Variants in ANKRD20A1 observed in about 807,000 individuals in gnomAD.
ANKRD20A1 encodes ankyrin repeat domain-containing protein 20A1.
ANKRD20A1 carries 2 observed loss-of-function variants against 50.9 expected under a neutral mutation model. The observed-to-expected ratio is 0.04, with a 90% CI of 0.02 to 0.12. ANKRD20A1 has a LOEUF of 0.12. Ranked by LOEUF, ANKRD20A1 falls within the 10% of genes least tolerant of loss-of-function variation. The pLI is 1.00. For synonymous variants in ANKRD20A1, 10 were observed against 186.2 expected, an observed-to-expected ratio of 0.05 and a Z score of 7.70; for missense variants, 31 against 548.1, an observed-to-expected ratio of 0.06 and a Z score of 9.42.
At chr9:67,866,224 C>G (rs1230486528) in intron 3 of ANKRD20A1, among the ~76,000 whole-genome samples, 1 of 145,204 alleles carries the variant, frequency 6.9e-6, no homozygotes, top group Admixed American at 7.1e-5. Context: ...TTTTAAGTAG[C>G]CATTTAAGTG....
At chr9:67,881,602 A>T (rs1171680232) in intron 8 of ANKRD20A1, among the ~76,000 whole-genome samples, 1 of 150,958 alleles carries the variant, frequency 6.6e-6, no homozygotes, top group Non-Finnish European at 1.5e-5. Context: ...CCCTGTCTCT[A>T]AAAAAAACCA....
At chr9:67,881,547 A>G (rs1827796173) in intron 8 of ANKRD20A1, among the ~76,000 whole-genome samples, 1 of 152,136 alleles carries the variant, frequency 6.6e-6, no homozygotes, top group South Asian at 2.1e-4. Context: ...TCGGTAGATC[A>G]CCTGAGGTCA....
intron 8 of ANKRD20A1, among the ~76,000 whole-genome samples, chr9:67,881,260 GA>G: frequency 7.3e-6 from 1 of 137,806 alleles, no homozygotes; most frequent in African/African-American, 2.6e-5. Flanking sequence ...ATAAATTGTG[GA>G]AATATAGAAA....
chr9:67,872,357 C>G (rs1269866325), intron 6 of ANKRD20A1, among the ~76,000 whole-genome samples: 1 of 134,026 alleles, frequency 7.5e-6, no homozygotes, highest in Non-Finnish European at 1.6e-5. Context: ...CATACACACA[C>G]GCACATGTGC....
intron 9 of ANKRD20A1, among the ~76,000 whole-genome samples, chr9:67,885,427 A>G (rs1160061089): frequency 1.3e-5 from 2 of 152,308 alleles, no homozygotes; most frequent in Non-Finnish European, 2.9e-5. Flanking sequence ...TCTACCATAG[A>G]TGAACATCAC....
chr9:67,867,569 C>T (rs1251776339), intron 4 of ANKRD20A1, among the ~76,000 whole-genome samples, 186 bp downstream of exon 4: 1 of 152,284 alleles, frequency 6.6e-6, no homozygotes, highest in East Asian at 1.9e-4. Context: ...TAGGATTCAT[C>T]TTCTCTTATA....
At chr9:67,880,957 A>G (rs1436507371) in intron 8 of ANKRD20A1, among the ~76,000 whole-genome samples, 10 of 100,554 alleles carry the variant, frequency 9.9e-5, no homozygotes, top group Middle Eastern at 0.014. Flanking sequence ...TATTTGCAGT[A>G]ATCATGGGAT....
intron 3 of ANKRD20A1, among the ~76,000 whole-genome samples, chr9:67,865,421 A>G (rs1260322976): frequency 1.9e-5 from 2 of 106,906 alleles, no homozygotes; most frequent in Non-Finnish European, 3.9e-5. Flanking sequence ...TATATATGAG[A>G]GCCTGAATTT....
intron 6 of ANKRD20A1, among the ~76,000 whole-genome samples, chr9:67,874,966 C>CATTTATTTATTT (rs376495752): frequency 1.6e-4 from 1 of 6,336 alleles, no homozygotes; most frequent in African/African-American, 2.3e-4. Flanking sequence ...TGCCCCCAGC[C>CATTTATTTATTT]ATTTATTTAT....
In ANKRD20A1 at chr9:67,865,445, T is replaced by C. The variant is rs1244430093; in HGVS notation, c.493-1832T>C. Among the ~76,000 whole-genome samples the C allele has an allele frequency of 2.6e-4, 30 of 117,344 alleles. No individual in the cohort carries two copies. In the East Asian group the frequency reaches 3.2e-3, roughly 13 times the overall value. The allele number at this position is 117,344 out of a possible 152,430, so 77.0% of individuals were successfully genotyped here. ...GAGCCTGAATTTTTGGTAGAACATATGATACCAGAGAAAGAAAATATTTTA... is the reference window on the plus strand; with the variant it reads ...GAGCCTGAATTTTTGGTAGAACATACGATACCAGAGAAAGAAAATATTTTA... On this transcript the variant is annotated intron_variant, in intron 3 of 14. Transcript: ENST00000562196.
chr9:67,881,695 C>T (rs1368234207), intron 8 of ANKRD20A1, among the ~76,000 whole-genome samples: 3 of 152,010 alleles, frequency 2.0e-5, no homozygotes, highest in Non-Finnish European at 4.4e-5. Flanking sequence ...CTCAGGAGGC[C>T]AAGGTGGGAG....
chr9:67,897,232 G>C (rs1828008220), intron 12 of ANKRD20A1, among the ~76,000 whole-genome samples: 1 of 126,602 alleles, frequency 7.9e-6, no homozygotes, highest in Non-Finnish European at 1.7e-5. Flanking sequence ...CTCTGTTTCT[G>C]CCAGCCAGAT....
chr9:67,871,427 A>C (rs1408753136), intron 6 of ANKRD20A1, among the ~76,000 whole-genome samples: 1 of 138,394 alleles, frequency 7.2e-6, no homozygotes, highest in South Asian at 2.4e-4. Context: ...TTAAGAAGGT[A>C]GTTGTAGCTA....
chr9:67,885,049 A>T (rs1827855538), intron 9 of ANKRD20A1, among the ~76,000 whole-genome samples: 2 of 140,296 alleles, frequency 1.4e-5, no homozygotes, highest in South Asian at 2.5e-4. Flanking sequence ...TCAGCAGTTG[A>T]TTCTATTGGG....
intron 4 of ANKRD20A1, among the ~76,000 whole-genome samples, chr9:67,867,874 G>T (rs565172550): frequency 8.1e-6 from 1 of 122,960 alleles, no homozygotes; most frequent in African/African-American, 2.8e-5. Context: ...GGCCAGGATG[G>T]TCTCGATCTC....
chr9:67,896,258 C>T lies in ANKRD20A1; in HGVS notation c.1153-1301C>T, dbSNP rs1305938312. Among the ~76,000 whole-genome samples, 5 of 62,530 alleles carry T rather than the reference C, an allele frequency of 8.0e-5. 2 individuals are homozygous for T. The highest frequency in any genetic ancestry group is 1.0e-4 in the Non-Finnish European group (3 of 28,972). The allele number at this position is 62,530 out of a possible 152,430, so 41.0% of individuals were successfully genotyped here. A position where few individuals can be genotyped will look rare whatever the true frequency, so the allele number is the denominator to read the frequency against. On this transcript the variant is annotated intron_variant, in intron 12 of 14. Coordinates refer to ENST00000562196, the MANE Select transcript of ANKRD20A1 (RefSeq NM_032250.5). ...ACACGTCTAGCCTTGAGAGTTGCAA[C>T]GAATATTCCCAGCCAAATGAGTCTG...
At position 67,872,181 on chromosome 9, in the gene ANKRD20A1, T is replaced by C. The variant is rs1056727944; in HGVS notation, c.793+969T>C. On this transcript the variant is annotated intron_variant, in intron 6 of 14. Transcript: ENST00000562196. ...ACCATAAGTAAATGGCAATAAGAACTGTAGAACTGAACCAGTGTGCACCCA... is the reference window on the plus strand; with the variant it reads ...ACCATAAGTAAATGGCAATAAGAACCGTAGAACTGAACCAGTGTGCACCCA... Among the ~76,000 whole-genome samples the C allele has an allele frequency of 2.5e-5, 2 of 78,990 alleles. 1 individual carries two copies. Among genetic ancestry groups the C allele is most frequent in the African/African-American group, 6.4e-5 (2 of 31,098 alleles). The allele number at this position is 78,990 out of a possible 152,430, so 51.8% of individuals were successfully genotyped here.
chr9:67,866,052 A>G (rs1827564444), intron 3 of ANKRD20A1, among the ~76,000 whole-genome samples: 1 of 150,998 alleles, frequency 6.6e-6, no homozygotes, highest in East Asian at 2.0e-4. Flanking sequence ...TGAATATTGC[A>G]GACAGTACAT....
At chr9:67,880,834 A>G (rs1214803898) in intron 8 of ANKRD20A1, among the ~76,000 whole-genome samples, 1 of 59,846 alleles carries the variant, frequency 1.7e-5, no homozygotes, top group African/African-American at 4.8e-5. Context: ...AATAGAGGAA[A>G]TATGAAATTT....
Sources: allele counts gnomAD v4.1 joint callset (sites outside exome capture counted in the v4.1 genomes callset), GRCh38; gene constraint gnomAD v4.1.1; transcripts MANE v1.5; gene names NCBI Gene and HGNC (gene_info 2026-07-23, HGNC 2026-07-21).